The following NEMP2 variants were observed in gnomAD, a reference collection of about 807,000 sequenced individuals.
NEMP2 encodes the protein nuclear envelope integral membrane protein 2.
NEMP2 carries 53 observed loss-of-function variants against 54.2 expected under a neutral mutation model. That is an observed-to-expected ratio of 0.98 (90% CI 0.78 to 1.23). The LOEUF (loss-of-function observed/expected upper bound fraction) is 1.23, where lower values mean the gene tolerates loss of function less well. Among genes scored for constraint, NEMP2 ranks in the 50% most tolerant of loss-of-function variants. The pLI, the probability that NEMP2 is intolerant of heterozygous loss-of-function variation, is 0.00. For synonymous variants in NEMP2, 197 were observed against 190.3 expected, an observed-to-expected ratio of 1.04 and a Z score of -0.29; for missense variants, 455 against 511.3, an observed-to-expected ratio of 0.89 and a Z score of 1.06.
At chr2:190,480,805 T>C in the NEMP2 span, among the ~76,000 whole-genome samples, 2 of 152,170 alleles carry the variant, frequency 1.3e-5, no homozygotes, top group Non-Finnish European at 2.9e-5. Flanking sequence ...TGCAAAGTAT[T>C]TAGCACAGTA....
chr2:190,447,545 C>T, the NEMP2 span, among the ~76,000 whole-genome samples: 1 of 152,038 alleles, frequency 6.6e-6, no homozygotes, highest in Admixed American at 6.6e-5. This position sits in a 1 kb window ranked among gnomAD's most constrained non-coding sequence, Gnocchi z 4.5. Context: ...ATAAAGAAGC[C>T]ACATTAAAAA....
the NEMP2 span, among the ~76,000 whole-genome samples, chr2:190,639,012 T>C: frequency 6.6e-6 from 1 of 152,176 alleles, no homozygotes; most frequent in Non-Finnish European, 1.5e-5. Context: ...GCAAAAGCTC[T>C]GGGACTGCAT....
At chr2:190,633,810 C>T in the NEMP2 span, among the ~76,000 whole-genome samples, 1 of 152,168 alleles carries the variant, frequency 6.6e-6, no homozygotes, top group African/African-American at 2.4e-5. Flanking sequence ...GTGGTTCACA[C>T]CTGTAATCCC....
At chr2:190,449,671 A>C in the NEMP2 span, among the ~76,000 whole-genome samples, 1 of 152,224 alleles carries the variant, frequency 6.6e-6, no homozygotes, top group African/African-American at 2.4e-5. Context: ...TAACCATGAA[A>C]TACTATGCAG....
At chr2:190,481,147 C>T in the NEMP2 span, among the ~76,000 whole-genome samples, 2 of 152,178 alleles carry the variant, frequency 1.3e-5, no homozygotes, top group Non-Finnish European at 2.9e-5. Context: ...ATAATGTTGC[C>T]AAGTCTTAAC....
chr2:190,502,982 C>A (rs1690087178), downstream of NEMP2, among the ~76,000 whole-genome samples: 1 of 152,188 alleles, frequency 6.6e-6, no homozygotes, highest in African/African-American at 2.4e-5. This position sits in a 1 kb window ranked among gnomAD's most constrained non-coding sequence, Gnocchi z 4.4. Flanking sequence ...GCACCTTACC[C>A]CACCCCAGGA....
At chr2:190,437,613 T>C in the NEMP2 span, 58 of 1,557,586 alleles carry the variant, frequency 3.7e-5, no homozygotes, top group Non-Finnish European at 4.9e-5. This position sits in a 1 kb window ranked among gnomAD's most constrained non-coding sequence, Gnocchi z 5.9. Flanking sequence ...TTTATCTTTT[T>C]ATGGTTTATA....
At chr2:190,564,884 G>C in the NEMP2 span, among the ~76,000 whole-genome samples, 1 of 152,190 alleles carries the variant, frequency 6.6e-6, no homozygotes, top group African/African-American at 2.4e-5. The surrounding 1 kb of genome is among the most constrained non-coding windows in gnomAD (Gnocchi z 4.2). Flanking sequence ...GAAAGAGAAT[G>C]GAGGAAGGTT....
At chr2:190,572,833 G>GTTTA in the NEMP2 span, among the ~76,000 whole-genome samples, 3,334 of 47,702 alleles carry the variant, frequency 0.07, 630 homozygotes, top group South Asian at 0.12. Context: ...CTTTTCATGA[G>GTTTA]TATATATATA....
At chr2:190,459,446 T>C in the NEMP2 span, among the ~76,000 whole-genome samples, 1 of 152,262 alleles carries the variant, frequency 6.6e-6, no homozygotes, top group Non-Finnish European at 1.5e-5. The surrounding 1 kb of genome is among the most constrained non-coding windows in gnomAD (Gnocchi z 5.3). Context: ...TTAAGCCATA[T>C]CCTAGGAAAT....
At chr2:190,473,111 G>T in the NEMP2 span, among the ~76,000 whole-genome samples, 1 of 152,048 alleles carries the variant, frequency 6.6e-6, no homozygotes, top group Non-Finnish European at 1.5e-5. Flanking sequence ...AGGAACAACC[G>T]GTACCAGCTA....
At chr2:190,622,421 T>TAA in the NEMP2 span, among the ~76,000 whole-genome samples, 21 of 142,584 alleles carry the variant, frequency 1.5e-4, no homozygotes, top group African/African-American at 4.4e-4. Flanking sequence ...TGCAGTCTCT[T>TAA]AAAAAAAAAA....
the NEMP2 span, chr2:190,648,776 G>C: frequency 1.3e-5 from 2 of 150,870 alleles, no homozygotes; most frequent in Non-Finnish European, 1.5e-5. Flanking sequence ...GTTCCTCCCA[G>C]CTGCCGTGTG....
chr2:190,537,678 A>G (rs1574329267), upstream of NEMP2, among the ~76,000 whole-genome samples: 4 of 152,340 alleles, frequency 2.6e-5, no homozygotes, highest in Middle Eastern at 0.01. Flanking sequence ...TTTAAGAGGA[A>G]GCAGAGCATG....
At chr2:190,620,258 T>C in the NEMP2 span, 1 of 152,146 alleles carries the variant, frequency 6.6e-6, no homozygotes, top group African/African-American at 2.4e-5. The surrounding 1 kb of genome is among the most constrained non-coding windows in gnomAD (Gnocchi z 4.9). Context: ...TGCACAAACA[T>C]ATTGCATACT....
At chr2:190,469,987 G>A in the NEMP2 span, 3 of 619,784 alleles carry the variant, frequency 4.8e-6, no homozygotes, top group South Asian at 4.5e-5. The surrounding 1 kb of genome is among the most constrained non-coding windows in gnomAD (Gnocchi z 5.3). Flanking sequence ...TGAAGTGGTT[G>A]TTAAGGAAGA....
In NEMP2 at chr2:190,531,608, T is replaced by C. The variant is rs1262456246; in HGVS notation, c.97+2951A>G. 3.9e-5 allele frequency among the ~76,000 whole-genome samples: 6 copies of C among 152,188 alleles called. No individual in the cohort carries two copies. Among genetic ancestry groups the C allele is most frequent in the Non-Finnish European group, 7.3e-5 (5 of 68,030 alleles). ...CCCTTAACCAATGAGATAGATTCCT[T>C]AGTTCATTTTAAATACCACTCAATT... On this transcript the variant is annotated intron_variant, in intron 1 of 8. Transcript: ENST00000409150. The surrounding 1 kb of genome is among the most constrained non-coding windows in gnomAD (Gnocchi z 4.7).
chr2:190,451,070 C>G, the NEMP2 span, among the ~76,000 whole-genome samples: 2 of 152,124 alleles, frequency 1.3e-5, no homozygotes, highest in African/African-American at 4.8e-5. This position sits in a 1 kb window ranked among gnomAD's most constrained non-coding sequence, Gnocchi z 5.0. Flanking sequence ...CATCCTAAGC[C>G]CTGGTAGGAT....
At chr2:190,473,490 G>T in the NEMP2 span, among the ~76,000 whole-genome samples, 37,014 of 152,044 alleles carry the variant, frequency 0.24, 5,258 homozygotes, top group South Asian at 0.34. Flanking sequence ...ATTACATAAT[G>T]GTAAAGGGAT....
Sources: gnomAD v4.1 joint callset for allele counts (sites outside exome capture counted in the v4.1 genomes callset) on GRCh38, gnomAD v4.1.1 for gene constraint, Gnocchi (gnomAD v3.1) non-coding constraint, MANE v1.5 for transcripts, NCBI Gene and HGNC (gene_info 2026-07-23, HGNC 2026-07-21) for gene names.